Variants in DACH1 observed in about 807,000 individuals in gnomAD.
DACH1 encodes the protein dachshund homolog 1.
A neutral mutation model predicts 54.2 loss-of-function variants in DACH1; 12 were observed. That is an observed-to-expected ratio of 0.22 (90% CI 0.14 to 0.36). DACH1 has a LOEUF of 0.36. Among genes scored for constraint, DACH1 ranks in the 10% least tolerant of loss-of-function variants. The pLI is 1.00. For synonymous variants in DACH1, 386 were observed against 366.2 expected, an observed-to-expected ratio of 1.05 and a Z score of -0.62; for missense variants, 805 against 929.8, an observed-to-expected ratio of 0.87 and a Z score of 1.75.
At chr13:71,804,359 G>A (rs974793864) in intron 1 of DACH1, among the ~76,000 whole-genome samples, 4 of 151,994 alleles carry the variant, frequency 2.6e-5, no homozygotes, top group African/African-American at 9.7e-5. Flanking sequence ...CAGCAGCTAT[G>A]GGAGAATGCA....
At chr13:71,654,259 G>A (rs1265542018) in intron 2 of DACH1, among the ~76,000 whole-genome samples, 1 of 151,308 alleles carries the variant, frequency 6.6e-6, no homozygotes, top group African/African-American at 2.4e-5. Context: ...GTGTGGCGGA[G>A]CACACCTGTA....
intron 1 of DACH1, among the ~76,000 whole-genome samples, chr13:71,806,970 A>C (rs1887529417): frequency 6.6e-6 from 1 of 152,230 alleles, no homozygotes; most frequent in African/African-American, 2.4e-5. Flanking sequence ...TAATATGGTG[A>C]GAACACCATC....
intron 10 of DACH1, among the ~76,000 whole-genome samples, chr13:71,469,871 A>G (rs979429959): frequency 6.6e-6 from 1 of 152,218 alleles, no homozygotes; most frequent in Non-Finnish European, 1.5e-5. Flanking sequence ...TTGGTTTTCT[A>G]TGATCTAAGA....
chr13:71,643,107 T>C (rs1433802454), intron 2 of DACH1, among the ~76,000 whole-genome samples: 1 of 152,218 alleles, frequency 6.6e-6, no homozygotes, highest in Non-Finnish European at 1.5e-5. Context: ...TTATTAAATA[T>C]CATTTTGATT....
intron 6 of DACH1, among the ~76,000 whole-genome samples, chr13:71,544,153 A>T (rs1180636070): frequency 6.6e-6 from 1 of 152,114 alleles, no homozygotes; most frequent in Non-Finnish European, 1.5e-5. Flanking sequence ...CAATTCTCAA[A>T]CAAGCCATAG....
chr13:71,744,277 C>T (rs1239288704), intron 1 of DACH1, among the ~76,000 whole-genome samples: 1 of 152,136 alleles, frequency 6.6e-6, no homozygotes, highest in Non-Finnish European at 1.5e-5. Flanking sequence ...TAGAAGTTTA[C>T]AAGAAAAGAA....
At chr13:71,615,013 A>C (rs1875657122) in intron 3 of DACH1, among the ~76,000 whole-genome samples, 1 of 152,090 alleles carries the variant, frequency 6.6e-6, no homozygotes, top group African/African-American at 2.4e-5. Context: ...CATGTAACAT[A>C]AATCATAAAA....
At chr13:71,736,355 T>C (rs1210197569) in intron 1 of DACH1, among the ~76,000 whole-genome samples, 1 of 152,150 alleles carries the variant, frequency 6.6e-6, no homozygotes, top group Non-Finnish European at 1.5e-5. Context: ...TTCACTAAAG[T>C]ACTAAAGCAT....
At chr13:71,655,250 T>C (rs1879011302) in intron 2 of DACH1, among the ~76,000 whole-genome samples, 1 of 152,190 alleles carries the variant, frequency 6.6e-6, no homozygotes, top group African/African-American at 2.4e-5. Flanking sequence ...ATTTTTACTG[T>C]TAATTACTCT....
chr13:71,761,404 G>A (rs570125428), intron 1 of DACH1, among the ~76,000 whole-genome samples: 10 of 152,174 alleles, frequency 6.6e-5, no homozygotes, highest in African/African-American at 2.4e-4. Context: ...ATTTCCTATA[G>A]GTAGATTGTA....
intron 2 of DACH1, among the ~76,000 whole-genome samples, chr13:71,658,831 A>T (rs559380040): frequency 6.6e-6 from 1 of 152,304 alleles, no homozygotes; most frequent in South Asian, 2.1e-4. Context: ...GTCTCTAAAA[A>T]TGTCCCTGTG....
chr13:71,528,131 A>G (rs1882134276), intron 6 of DACH1, among the ~76,000 whole-genome samples: 1 of 152,208 alleles, frequency 6.6e-6, no homozygotes, highest in African/African-American at 2.4e-5. Context: ...AAGCAGATTT[A>G]GTATAGAAGG....
intron 6 of DACH1, among the ~76,000 whole-genome samples, chr13:71,490,189 C>G (rs188337239): frequency 6.6e-6 from 1 of 152,282 alleles, no homozygotes; most frequent in East Asian, 1.9e-4. Context: ...TTGCAAGTAG[C>G]TAAAAACTTC....
intron 4 of DACH1, among the ~76,000 whole-genome samples, chr13:71,561,414 T>G (rs953390683): frequency 6.6e-6 from 1 of 152,174 alleles, no homozygotes; most frequent in African/African-American, 2.4e-5. Context: ...AGTCGTGTCC[T>G]TACAAGTAGA....
intron 6 of DACH1, among the ~76,000 whole-genome samples, chr13:71,512,778 C>CT (rs577136925): frequency 2.6e-4 from 39 of 151,934 alleles, no homozygotes; most frequent in African/African-American, 9.2e-4. Context: ...CTGTGTGTGT[C>CT]TAAATTGATT....
At chr13:71,479,352 A>G (rs762274963) in intron 7 of DACH1, 36 bp from the exon 8 acceptor site, 1 of 1,579,420 alleles carries the variant, frequency 6.3e-7, no homozygotes, top group Non-Finnish European at 8.6e-7. Context: ...GTAATATTTT[A>G]ATACAAAGCA....
rs146000263 is a variant in DACH1 at position 71,851,730 on chromosome 13, T to C, written c.848+14192A>G. ...CCAATATTGCTAGATAGCTCAATACTGATGAGCATAGCAACAACTGACATC... is the reference window on the plus strand; with the variant it reads ...CCAATATTGCTAGATAGCTCAATACCGATGAGCATAGCAACAACTGACATC... On this transcript the variant is annotated intron_variant, in intron 1 of 10. Transcript: ENST00000613252. Among the ~76,000 whole-genome samples, 643 of 152,318 alleles carry C rather than the reference T, an allele frequency of 4.2e-3. 6 individuals carry two copies. Among genetic ancestry groups the C allele is most frequent in the African/African-American group, 0.015 (620 of 41,574 alleles).
At chr13:71,764,307 C>T (rs553241015) in intron 1 of DACH1, among the ~76,000 whole-genome samples, 5 of 151,930 alleles carry the variant, frequency 3.3e-5, no homozygotes, top group African/African-American at 7.3e-5. Flanking sequence ...AGCTGAGACA[C>T]GAGGATTACT....
At chr13:71,535,496 A>G (rs1033802697) in intron 6 of DACH1, among the ~76,000 whole-genome samples, 1 of 152,012 alleles carries the variant, frequency 6.6e-6, no homozygotes, top group Non-Finnish European at 1.5e-5. Context: ...CAAATCTCAT[A>G]TAAAAATAAC....
Sources: allele counts gnomAD v4.1 joint callset (sites outside exome capture counted in the v4.1 genomes callset), GRCh38; gene constraint gnomAD v4.1.1; transcripts MANE v1.5; gene names NCBI Gene and HGNC (gene_info 2026-07-23, HGNC 2026-07-21).